Variants in HSF2BP observed in about 807,000 individuals in gnomAD.
HSF2BP encodes the protein heat shock factor 2-binding protein.
In HSF2BP, 35 loss-of-function variants were observed where a neutral mutation model predicts 35.0. The ratio of observed to expected loss-of-function variants is 1.00; its 90% CI spans 0.76 to 1.32. The LOEUF (loss-of-function observed/expected upper bound fraction) is 1.32, where lower values mean the gene tolerates loss of function less well. HSF2BP is among the 40% of genes most tolerant of loss of function. The probability of loss-of-function intolerance (pLI) is 0.00; values close to 1 mark genes in which losing one functional copy is unlikely to be tolerated. For missense variants in HSF2BP, 326 were observed against 321.7 expected (o/e 1.01, Z -0.10); for synonymous variants, 114 against 117.4 (o/e 0.97, Z 0.18).
At chr21:43,641,078 C>T (rs563455261) in intron 4 of HSF2BP, among the ~76,000 whole-genome samples, 19 of 152,254 alleles carry the variant, frequency 1.2e-4, no homozygotes, top group East Asian at 5.8e-4. Flanking sequence ...CTGCAAGCTC[C>T]GCCTCCCAGG....
chr21:43,592,114 T>C, intron 8 of HSF2BP, 111 bp downstream of exon 8: 1 of 676,484 alleles, frequency 1.5e-6, no homozygotes, highest in Non-Finnish European at 2.7e-6. Context: ...GATTTGGTGC[T>C]ATCTCTGGTT....
At chr21:43,618,712 A>G (rs4818854) in intron 6 of HSF2BP, among the ~76,000 whole-genome samples, 102,198 of 151,330 alleles carry the variant, frequency 0.68, 34,893 homozygotes, top group East Asian at 0.79. Context: ...TGAGGCGGGC[A>G]GATCACGAGG....
At chr21:43,636,208 GAAAAGAAAAGAAAAGA>G (rs2082553120) in intron 4 of HSF2BP, among the ~76,000 whole-genome samples, 2 of 7,074 alleles carry the variant, frequency 2.8e-4, no homozygotes, top group South Asian at 6.8e-3. Context: ...AAAAAAGAAA[GAAAAGAAAAGAAAAGA>G]AAAGAAAAGA....
intron 8 of HSF2BP, among the ~76,000 whole-genome samples, chr21:43,572,020 A>G (rs2838319): frequency 0.59 from 89,221 of 152,024 alleles, 26,566 homozygotes; most frequent in East Asian, 0.79. Flanking sequence ...TCTGGACCCA[A>G]TCAGAGTCTG....
intron 4 of HSF2BP, 35 bp from the exon 5 acceptor site, chr21:43,633,456 G>A (rs942554271): frequency 1.9e-6 from 3 of 1,551,512 alleles, no homozygotes; most frequent in Non-Finnish European, 2.6e-6. Flanking sequence ...ATAAATAATA[G>A]CATTCAACCT....
Position 43,630,460 on chromosome 21 carries a change from A to C in HSF2BP, c.442-6T>G, listed in dbSNP as rs1225877784. On this transcript the variant is annotated splice_polypyrimidine_tract_variant and splice_region_variant and intron_variant, in intron 5 of 8. Coordinates refer to ENST00000291560, the MANE Select transcript of HSF2BP (RefSeq NM_007031.2). ...AAAAACTTCAAAGCTTTATCCTGAA[A>C]GTTTGAAAATCAGAGTGTCATATCT... is the stretch of plus-strand genomic sequence containing the variant. 3.1e-6 allele frequency: 5 copies of C among 1,607,588 alleles called. No individual in the cohort carries two copies. The highest frequency in any genetic ancestry group is 4.2e-6 in the Non-Finnish European group (5 of 1,178,030).
chr21:43,648,071 G>T (rs1172743544), intron 3 of HSF2BP, among the ~76,000 whole-genome samples: 1 of 152,110 alleles, frequency 6.6e-6, no homozygotes, highest in African/African-American at 2.4e-5. Context: ...GCGGTCACGG[G>T]TGATATTAAA....
intron 5 of HSF2BP, among the ~76,000 whole-genome samples, chr21:43,631,536 T>C (rs1453128179): frequency 6.6e-6 from 1 of 152,098 alleles, no homozygotes; most frequent in African/African-American, 2.4e-5. Context: ...TCCTAATCCA[T>C]CCTCACCCAC....
At chr21:43,598,607 C>T (rs1196767787) in intron 7 of HSF2BP, among the ~76,000 whole-genome samples, 1 of 152,012 alleles carries the variant, frequency 6.6e-6, no homozygotes, top group Non-Finnish European at 1.5e-5. Flanking sequence ...ACAGGGTGCT[C>T]AGTTCTCAAA....
At chr21:43,594,925 G>A (rs1016548377) in intron 7 of HSF2BP, among the ~76,000 whole-genome samples, 3 of 152,186 alleles carry the variant, frequency 2.0e-5, no homozygotes, top group African/African-American at 7.2e-5. Flanking sequence ...AAAACAAAAT[G>A]CAACCATGGA....
chr21:43,635,494 C>G lies in HSF2BP; in HGVS notation c.292-2073G>C, dbSNP rs1266807239. ...TTGCTATAAGGATGGACATATAGAT[C>G]AGTGAAACACTGACATGTCAACTGA... On this transcript the variant is annotated intron_variant, in intron 4 of 8. Coordinates refer to ENST00000291560, the MANE Select transcript of HSF2BP (RefSeq NM_007031.2). Among the ~76,000 whole-genome samples, 5 of 152,122 alleles carry G rather than the reference C, an allele frequency of 3.3e-5. No individual in the cohort carries two copies. The East Asian group carries it at 9.6e-4, about 29-fold the overall frequency.
chr21:43,636,280 G>A, intron 4 of HSF2BP, among the ~76,000 whole-genome samples: 1 of 146,558 alleles, frequency 6.8e-6, no homozygotes, highest in African/African-American at 2.5e-5. Context: ...AAAAACGAAG[G>A]GGAAAAAAAG....
At chr21:43,612,378 G>T (rs1335959247) in intron 7 of HSF2BP, among the ~76,000 whole-genome samples, 1 of 152,162 alleles carries the variant, frequency 6.6e-6, no homozygotes, top group South Asian at 2.1e-4. Flanking sequence ...TAGGCCGGGC[G>T]CAGGGGCTCA....
intron 8 of HSF2BP, among the ~76,000 whole-genome samples, chr21:43,591,508 C>T (rs1276087073): frequency 6.6e-6 from 1 of 152,168 alleles, no homozygotes; most frequent in Non-Finnish European, 1.5e-5. Context: ...GAAAGCAATA[C>T]TTCAGAAACA....
At chr21:43,573,328 C>T (rs1213228377) in intron 8 of HSF2BP, among the ~76,000 whole-genome samples, 1 of 152,194 alleles carries the variant, frequency 6.6e-6, no homozygotes, top group East Asian at 1.9e-4. Flanking sequence ...GTTCCATTCA[C>T]AGAGCTACAG....
rs2082909458 is a variant in HSF2BP, at chr21:43,658,316, G to C, written c.-220C>G. 2 of 561,358 alleles carry C rather than the reference G, an allele frequency of 3.6e-6. No homozygotes were observed. Among genetic ancestry groups the C allele is most frequent in the Non-Finnish European group, 6.2e-6 (2 of 323,594 alleles). The allele number at this position is 561,358 out of a possible 1,614,324, so 34.8% of individuals were successfully genotyped here. On this transcript the variant is annotated 5_prime_UTR_variant, in exon 2 of 9. Transcript: ENST00000291560. ...CTGGCTTAGCCGGGGTTTTAAACTT[G>C]TTATCTGCAAAGCAGAAGGAAAGTC...
At chr21:43,587,540 C>T (rs11910220) in intron 8 of HSF2BP, among the ~76,000 whole-genome samples, 5,939 of 151,998 alleles carry the variant, frequency 0.039, 406 homozygotes, top group African/African-American at 0.13. Context: ...TGGTACATGC[C>T]TGTAATCCCA....
chr21:43,575,333 T>C (rs2081629373), intron 8 of HSF2BP, among the ~76,000 whole-genome samples: 1 of 152,168 alleles, frequency 6.6e-6, no homozygotes, highest in African/African-American at 2.4e-5. Context: ...AGCCTGCACA[T>C]CTCCGTGGAA....
intron 4 of HSF2BP, among the ~76,000 whole-genome samples, chr21:43,641,017 T>C (rs180879984): frequency 1.3e-5 from 2 of 152,328 alleles, no homozygotes; most frequent in African/African-American, 4.8e-5. Context: ...CTGTAGTTCA[T>C]TCTGTATTTT....
Sources: gnomAD v4.1 joint callset for allele counts (sites outside exome capture counted in the v4.1 genomes callset) on GRCh38, gnomAD v4.1.1 for gene constraint, MANE v1.5 for transcripts, NCBI Gene and HGNC (gene_info 2026-07-23, HGNC 2026-07-21) for gene names.